SHPRH: variants seen among roughly 807,000 people sequenced by gnomAD.
SHPRH encodes SNF2 histone linker PHD RING helicase.
In SHPRH, 106 loss-of-function variants were observed where a neutral mutation model predicts 202.5. That is an observed-to-expected ratio of 0.52 (90% CI 0.45 to 0.62). The LOEUF (loss-of-function observed/expected upper bound fraction) is 0.62. Among genes scored for constraint, SHPRH ranks in the 20% least tolerant of loss-of-function variants. The pLI is 0.00. For missense variants in SHPRH, 1,710 were observed against 2,020.0 expected, an observed-to-expected ratio of 0.85 and a Z score of 2.94; for synonymous variants, 729 against 686.0, an observed-to-expected ratio of 1.06 and a Z score of -0.98.
chr6:145,930,991 C>T (rs1355978284), intron 14 of SHPRH, among the ~76,000 whole-genome samples: 1 of 152,004 alleles, frequency 6.6e-6, no homozygotes, highest in African/African-American at 2.4e-5. Context: ...TTTATAAGTT[C>T]CAGTGGTACA....
intron 17 of SHPRH, among the ~76,000 whole-genome samples, chr6:145,924,307 C>A (rs1213574567): frequency 6.6e-6 from 1 of 151,750 alleles, no homozygotes; most frequent in Non-Finnish European, 1.5e-5. Context: ...ATTTGTGTAA[C>A]CTCTTTAGAT....
rs758447133 is a variant in SHPRH, at chr6:145,941,632, G to C, written c.2481C>G (p.Pro827=). The part of the protein sequence containing the change: ...CLDEAQMVEC[P]TVKAAEMAQR... The stretch of plus-strand genomic sequence containing the variant: ...TTGCAGAAACTCTCACTTTTACTGT[G>C]GGACACTCAACCATCTGAGCTTCAT... The change falls in exon 10 of 30, where the codon CCC becomes CCG. Residue 827 remains proline (P), a synonymous_variant. Transcript: ENST00000275233. 1.9e-6 allele frequency: 3 copies of C among 1,613,742 alleles called. No homozygotes were observed. The highest frequency in any genetic ancestry group is 1.7e-6 in the Non-Finnish European group (2 of 1,179,830).
Position 145,918,190 on chromosome 6 carries a change from C to T in SHPRH, c.4195G>A (p.Ala1399Thr). 6.2e-7 allele frequency: 1 copy of T among 1,603,640 alleles called. No individual in the cohort carries two copies. ...RIKLLNDKAVATSQLQKKLGQ... is the reference protein window; with the variant it reads ...RIKLLNDKAVTTSQLQKKLGQ... Reference sequence around the variant, plus strand: ...AGTTTTTTCTGAAGCTGTGATGTAGCAACAGCTTTATCATTTAGTAGTTTT... The same window carrying T: ...AGTTTTTTCTGAAGCTGTGATGTAGTAACAGCTTTATCATTTAGTAGTTTT... The change falls in exon 23 of 30, where the codon GCT becomes ACT. Residue 1399 changes from alanine to threonine, a missense_variant. Coordinates refer to ENST00000275233, the MANE Select transcript of SHPRH (RefSeq NM_001042683.3).
chr6:145,911,170 CAG>C (rs1783458794), intron 24 of SHPRH, among the ~76,000 whole-genome samples: 1 of 152,026 alleles, frequency 6.6e-6, no homozygotes, highest in Admixed American at 6.6e-5. Flanking sequence ...CTCTGTCGCC[CAG>C]ACTGGAGTGC....
chr6:145,888,091 A>G lies in SHPRH; in HGVS notation c.4884T>C (p.Ile1628=), dbSNP rs759420019. 9 of 1,609,622 alleles carry G rather than the reference A, an allele frequency of 5.6e-6. No homozygotes were observed. Among genetic ancestry groups the G allele is most frequent in the Non-Finnish European group, 6.8e-6 (8 of 1,176,490 alleles). The change falls in exon 29 of 30, where the codon ATT becomes ATC. Residue 1628 remains isoleucine (I), a synonymous_variant. Transcript: ENST00000275233. ...TTGCTTTAATTAAGAATCTGTGTAC[A>G]ATAGTAGGTCTAAAAGGTACAGAAG... is the stretch of plus-strand genomic sequence containing the variant. ...VHRIGQTKPT[I]VHRFLIKATI...
At chr6:145,902,914 A>G (rs774904237) in intron 25 of SHPRH, among the ~76,000 whole-genome samples, 4 of 152,122 alleles carry the variant, frequency 2.6e-5, no homozygotes, top group Non-Finnish European at 2.9e-5. Flanking sequence ...TTTTTCATAA[A>G]GATAAGTTTT....
Position 145,941,683 on chromosome 6 carries a change from A to C in SHPRH, c.2430T>G (p.Ala810=). The stretch of plus-strand genomic sequence containing the variant: ...CAAGGCAGATCCTCCACCACTCCAC[A>C]GCTACCAGGGGGCTCGGGATAGCCA... ...RYMAIPSPLV[A]VEWWRICLDE... Residue 810 remains alanine (A), a synonymous_variant, in exon 10 of 30, where the codon GCT becomes GCG. Transcript: ENST00000275233. The C allele has an allele frequency of 6.2e-7, 1 of 1,614,030 alleles. No homozygotes were observed. The highest frequency in any genetic ancestry group is 8.5e-7 in the Non-Finnish European group (1 of 1,179,942).
intron 25 of SHPRH, chr6:145,909,891 A>G (rs1395057589): frequency 6.6e-6 from 1 of 152,172 alleles, no homozygotes; most frequent in African/African-American, 2.4e-5. Flanking sequence ...ATCACATTAT[A>G]GTAATTTTCT....
intron 1 of SHPRH, among the ~76,000 whole-genome samples, chr6:145,961,312 C>T (rs938673261): frequency 6.6e-6 from 1 of 152,158 alleles, no homozygotes; most frequent in Admixed American, 6.5e-5. Context: ...AGGGCCCAGG[C>T]ACTACTCCCT....
At chr6:145,925,566 C>T (rs933665980) in intron 16 of SHPRH, among the ~76,000 whole-genome samples, 5 of 151,748 alleles carry the variant, frequency 3.3e-5, no homozygotes, top group Admixed American at 2.0e-4. Context: ...CATTTTTTAT[C>T]CTGTTGACTC....
intron 8 of SHPRH, 53 bp downstream of exon 8, chr6:145,945,328 G>C: frequency 6.5e-7 from 1 of 1,540,044 alleles, no homozygotes; most frequent in Non-Finnish European, 8.7e-7. Flanking sequence ...AATGTACTCA[G>C]TAAGGTATCA....
chr6:145,860,165 T>C (rs1295945855), downstream of SHPRH, among the ~76,000 whole-genome samples: 1 of 151,990 alleles, frequency 6.6e-6, no homozygotes, highest in African/African-American at 2.4e-5. Flanking sequence ...CAATATAGTA[T>C]TGAAAGTCCT....
Position 145,945,452 on chromosome 6 carries a change from C to G in SHPRH, c.1507G>C (p.Gly503Arg). 6.2e-7 allele frequency: 1 copy of G among 1,613,088 alleles called. No homozygotes were observed. The highest frequency in any genetic ancestry group is 8.5e-7 in the Non-Finnish European group (1 of 1,179,484). Residue 503 changes from glycine (G) to arginine (R), a missense_variant, in exon 8 of 30, where the codon GGT becomes CGT. This residue lies in a region of SHPRH where 348 missense variants were observed against 356.9 expected (regional missense o/e 0.97). Coordinates refer to ENST00000275233, the MANE Select transcript of SHPRH (RefSeq NM_001042683.3). ...EGLVKQIKGH[G>R]FSGTFTLGKN... Reference sequence around the variant, plus strand: ...CCCAATGTAAAAGTCCCAGAAAAACCATGGCCTTTGATCTGTTTCACGAGA... The same window carrying G: ...CCCAATGTAAAAGTCCCAGAAAAACGATGGCCTTTGATCTGTTTCACGAGA...
intron 25 of SHPRH, 105 bp downstream of exon 25, chr6:145,910,343 A>C (rs1481438416): frequency 1.6e-6 from 2 of 1,286,302 alleles, no homozygotes; most frequent in Non-Finnish European, 2.2e-6. Context: ...GCGTCTACCT[A>C]TTCACTGTCA....
At chr6:145,895,309 G>T (rs188632166) in intron 25 of SHPRH, among the ~76,000 whole-genome samples, 1 of 152,092 alleles carries the variant, frequency 6.6e-6, no homozygotes, top group African/African-American at 2.4e-5. Flanking sequence ...TAGCAGAAAT[G>T]ATATTTTAAA....
chr6:145,913,335 T>A (rs1783663711), intron 24 of SHPRH, 143 bp downstream of exon 24: 1 of 653,934 alleles, frequency 1.5e-6, no homozygotes, highest in African/African-American at 1.9e-5. Context: ...TCACCTAACC[T>A]CTAGTGCTAT....
chr6:145,921,317 GGT>G lies in SHPRH; in HGVS notation c.3856_3857del (p.Thr1286HisfsTer10). Reference sequence around the variant, plus strand: ...TTATTGCCCAGAGACCCCGGGTGGTGGTAGGTGCTCGATCATCCACCAGTCCT... The same window carrying G: ...TTATTGCCCAGAGACCCCGGGTGGTGAGGTGCTCGATCATCCACCAGTCCT... ...EEGLVDDRAP[T>X]TTRGLWAISE... On this transcript the variant is annotated frameshift_variant, in exon 21 of 30. Coordinates refer to ENST00000275233, the MANE Select transcript of SHPRH (RefSeq NM_001042683.3). LOFTEE classifies it high-confidence loss of function. 1 of 1,612,922 alleles carries G rather than the reference GGT, an allele frequency of 6.2e-7. No individual in the cohort carries two copies. Among genetic ancestry groups the G allele is most frequent in the Non-Finnish European group, 8.5e-7 (1 of 1,179,324 alleles).
intron 21 of SHPRH, among the ~76,000 whole-genome samples, chr6:145,920,156 A>C (rs1033972216): frequency 6.6e-6 from 1 of 152,144 alleles, no homozygotes; most frequent in Non-Finnish European, 1.5e-5. Context: ...TTTGAGGTAG[A>C]TCTGGTAGAT....
chr6:145,937,184 A>G lies in SHPRH; in HGVS notation c.2570-1743T>C, dbSNP rs553775611. On this transcript the variant is annotated intron_variant, in intron 11 of 29. Transcript: ENST00000275233. ...TTTTTAGTAGAGACGAGGCTTCATC[A>G]TGTTGGCCAGGCTGGTCTCAAACTC... is the stretch of plus-strand genomic sequence containing the variant. Among the ~76,000 whole-genome samples the G allele has an allele frequency of 1.3e-4, 20 of 151,724 alleles. No individual in the cohort carries two copies. In the South Asian group the frequency reaches 3.8e-3, roughly 29 times the overall value.
Sources: gnomAD v4.1 joint callset for allele counts (sites outside exome capture counted in the v4.1 genomes callset) on GRCh38, gnomAD v4.1.1 for gene constraint, gnomAD v4.1.1 regional missense constraint, MANE v1.5 for transcripts, NCBI Gene and HGNC (gene_info 2026-07-23, HGNC 2026-07-21) for gene names.